SYN3: variants seen among roughly 807,000 people sequenced by gnomAD.
SYN3 encodes synapsin-3.
A neutral mutation model predicts 65.8 loss-of-function variants in SYN3; 35 were observed. That is an observed-to-expected ratio of 0.53 (90% CI 0.41 to 0.70). The LOEUF (loss-of-function observed/expected upper bound fraction) is 0.70, where lower values mean the gene tolerates loss of function less well. SYN3 is among the 30% of genes least tolerant of loss of function. The probability of loss-of-function intolerance (pLI) is 0.00; values close to 1 mark genes in which losing one functional copy is unlikely to be tolerated. For missense variants in SYN3, 680 were observed against 749.0 expected, an observed-to-expected ratio of 0.91 and a Z score of 1.08; for synonymous variants, 270 against 292.9, an observed-to-expected ratio of 0.92 and a Z score of 0.80.
chr22:32,808,822 C>G (rs1453890392), intron 6 of SYN3, among the ~76,000 whole-genome samples: 2 of 152,204 alleles, frequency 1.3e-5, no homozygotes, highest in African/African-American at 4.8e-5. Flanking sequence ...CCCAAATTCT[C>G]CAAAGCTGCA....
chr22:32,757,091 G>C (rs952880512), intron 6 of SYN3, among the ~76,000 whole-genome samples: 7 of 150,332 alleles, frequency 4.7e-5, no homozygotes, highest in Admixed American at 6.6e-5. Context: ...AGCAAATATT[G>C]AAAGTGCTTC....
chr22:32,677,815 A>G (rs1308643027), intron 6 of SYN3, among the ~76,000 whole-genome samples: 1 of 142,126 alleles, frequency 7.0e-6, no homozygotes, highest in Non-Finnish European at 1.6e-5. Flanking sequence ...AAAAAAAATA[A>G]TCATAATAAA....
intron 6 of SYN3, among the ~76,000 whole-genome samples, chr22:32,669,779 T>C (rs2060336283): frequency 6.6e-6 from 1 of 152,260 alleles, no homozygotes; most frequent in African/African-American, 2.4e-5. Context: ...AAGTGTCATC[T>C]GATAACTGCT....
chr22:32,671,847 G>T (rs975791676), intron 6 of SYN3, among the ~76,000 whole-genome samples: 12 of 149,280 alleles, frequency 8.0e-5, no homozygotes, highest in African/African-American at 3.0e-4. Flanking sequence ...TCTCACAAAG[G>T]TGCACACACA....
Position 32,645,385 on chromosome 22 carries a change from A to G in SYN3, c.712-48649T>C, listed in dbSNP as rs111349673. ...AGAATCACTTGAACCCGGGAGGCAGAGGTGGCGGTGAGCGAAGATCGCACC... is the reference window on the plus strand; with the variant it reads ...AGAATCACTTGAACCCGGGAGGCAGGGGTGGCGGTGAGCGAAGATCGCACC... On this transcript the variant is annotated intron_variant, in intron 6 of 13. Coordinates refer to ENST00000358763, the MANE Select transcript of SYN3 (RefSeq NM_003490.4). Among the ~76,000 whole-genome samples, 13 of 150,892 alleles carry G rather than the reference A, an allele frequency of 8.6e-5. 1 individual carries two copies. The highest frequency in any genetic ancestry group is 3.2e-4 in the African/African-American group (13 of 40,920).
At chr22:32,605,245 T>C (rs1357325606) in intron 6 of SYN3, among the ~76,000 whole-genome samples, 1 of 151,814 alleles carries the variant, frequency 6.6e-6, no homozygotes, top group African/African-American at 2.4e-5. Context: ...AGGAATGTGG[T>C]GATTCGAGTG....
At chr22:33,043,687 C>T (rs999755049) in intron 1 of SYN3, among the ~76,000 whole-genome samples, 3 of 152,156 alleles carry the variant, frequency 2.0e-5, no homozygotes, top group South Asian at 4.1e-4. Flanking sequence ...GTTTGCTCAT[C>T]GTAAAACAGA....
At chr22:32,750,411 G>C (rs2045080254) in intron 6 of SYN3, among the ~76,000 whole-genome samples, 1 of 152,186 alleles carries the variant, frequency 6.6e-6, no homozygotes, top group South Asian at 2.1e-4. Flanking sequence ...TCAGACGACA[G>C]CCAGGGCTTC....
intron 1 of SYN3, among the ~76,000 whole-genome samples, chr22:33,009,383 T>C (rs1215027093): frequency 3.9e-5 from 6 of 152,196 alleles, no homozygotes; most frequent in Non-Finnish European, 8.8e-5. Context: ...TTGAACAAGT[T>C]TCATGGGTTT....
intron 6 of SYN3, among the ~76,000 whole-genome samples, chr22:32,675,611 A>G (rs1178127049): frequency 2.0e-5 from 3 of 152,240 alleles, no homozygotes; most frequent in East Asian, 3.9e-4. Context: ...ACCCAAGGGT[A>G]CCCTCTAGAG....
chr22:33,008,246 A>T (rs2053248474), intron 1 of SYN3, among the ~76,000 whole-genome samples: 1 of 152,312 alleles, frequency 6.6e-6, no homozygotes, highest in African/African-American at 2.4e-5. Context: ...CAGTATTTTT[A>T]TTGCAGTAAA....
intron 6 of SYN3, among the ~76,000 whole-genome samples, chr22:32,651,960 C>T (rs1012291011): frequency 5.3e-5 from 8 of 152,174 alleles, no homozygotes; most frequent in African/African-American, 1.9e-4. Flanking sequence ...CTAGAATGCA[C>T]AGGCTAGCCT....
intron 6 of SYN3, among the ~76,000 whole-genome samples, chr22:32,800,074 G>A (rs2046526903): frequency 6.6e-6 from 1 of 152,110 alleles, no homozygotes; most frequent in African/African-American, 2.4e-5. Context: ...GCTCAAAGGG[G>A]AAAAAGGAGT....
At chr22:32,993,867 GAAGA>G (rs1212654477) in intron 2 of SYN3, among the ~76,000 whole-genome samples, 1 of 152,162 alleles carries the variant, frequency 6.6e-6, no homozygotes, top group Non-Finnish European at 1.5e-5. Flanking sequence ...AGGCAGCCAA[GAAGA>G]GAGAAATTTA....
chr22:32,976,608 TCCTGG>T (rs956145728), intron 3 of SYN3, among the ~76,000 whole-genome samples: 3 of 152,086 alleles, frequency 2.0e-5, no homozygotes, highest in African/African-American at 7.2e-5. Flanking sequence ...ATGCCAACCA[TCCTGG>T]CCTGATCCTC....
Position 32,905,191 on chromosome 22 carries a change from G to A in SYN3, c.461+26199C>T, listed in dbSNP as rs2049868224. On this transcript the variant is annotated intron_variant, in intron 4 of 13. Transcript: ENST00000358763. ...TTCACTTAGTCATTGAAATGAAGGA[G>A]GATACAAATAAGGTATTTTGGGGAA... Among the ~76,000 whole-genome samples, 3 of 152,278 alleles carry A rather than the reference G, an allele frequency of 2.0e-5. No individual in the cohort carries two copies. In the South Asian group the frequency reaches 6.2e-4, roughly 32 times the overall value.
At chr22:32,943,577 G>T (rs2051007980) in intron 3 of SYN3, among the ~76,000 whole-genome samples, 1 of 152,132 alleles carries the variant, frequency 6.6e-6, no homozygotes, top group Admixed American at 6.5e-5. Context: ...ATAATGACAG[G>T]ATCAAATTCA....
chr22:32,615,197 C>T (rs1440891874), intron 6 of SYN3, among the ~76,000 whole-genome samples: 1 of 151,864 alleles, frequency 6.6e-6, no homozygotes, highest in Non-Finnish European at 1.5e-5. Context: ...TGGGATCCAC[C>T]GCTGAGGTGG....
chr22:32,869,880 C>A (rs1173163489), intron 4 of SYN3, among the ~76,000 whole-genome samples: 1 of 151,810 alleles, frequency 6.6e-6, no homozygotes. Context: ...CACTGCAGCC[C>A]AGGGAAATTA....
Sources: gnomAD v4.1 joint callset for allele counts (sites outside exome capture counted in the v4.1 genomes callset) on GRCh38, gnomAD v4.1.1 for gene constraint, MANE v1.5 for transcripts, NCBI Gene and HGNC (gene_info 2026-07-23, HGNC 2026-07-21) for gene names.